The following SLCO3A1 variants were observed in gnomAD, a reference collection of about 807,000 sequenced individuals.
The protein encoded by SLCO3A1 is solute carrier organic anion transporter family member 3A1, also known as PGE1 transporter.
In SLCO3A1, 27 loss-of-function variants were observed where a neutral mutation model predicts 63.1. That is an observed-to-expected ratio of 0.43 (90% CI 0.32 to 0.59). The LOEUF (loss-of-function observed/expected upper bound fraction) is 0.59, where lower values mean the gene tolerates loss of function less well. Ranked by LOEUF, SLCO3A1 falls within the 20% of genes least tolerant of loss-of-function variation. SLCO3A1 has a pLI of 0.09. For synonymous variants in SLCO3A1, 473 were observed against 409.9 expected (o/e 1.15, Z -1.86); for missense variants, 773 against 945.8 (o/e 0.82, Z 2.40).
At chr15:92,023,203 C>G (rs556537292) in intron 2 of SLCO3A1, among the ~76,000 whole-genome samples, 2 of 152,268 alleles carry the variant, frequency 1.3e-5, no homozygotes, top group South Asian at 4.2e-4. Flanking sequence ...TTCCCTGCAG[C>G]CTTACATGCA....
Position 91,853,864 on chromosome 15 carries a change from C to A in SLCO3A1, c.-45C>A. 1 of 1,238,988 alleles carries A rather than the reference C, an allele frequency of 8.1e-7. No homozygotes were observed. The highest frequency in any genetic ancestry group is 1.0e-6 in the Non-Finnish European group (1 of 997,378). The allele number at this position is 1,238,988 out of a possible 1,614,324, so 76.7% of individuals were successfully genotyped here. A position where few individuals can be genotyped will look rare whatever the true frequency, so the allele number is the denominator to read the frequency against. The stretch of plus-strand genomic sequence containing the variant: ...CAGCGGCCCCGACACCCGGGGCGAG[C>A]GGGAAAGCGGCAGCGGCGGCGGCGG... On this transcript the variant is annotated 5_prime_UTR_variant, in exon 1 of 10. Transcript: ENST00000318445.
rs773745887 is a variant in SLCO3A1 at position 91,872,957 on chromosome 15, A to G, written c.180+18869A>G. On this transcript the variant is annotated intron_variant, in intron 1 of 9. Coordinates refer to ENST00000318445, the MANE Select transcript of SLCO3A1 (RefSeq NM_013272.4). This position sits in a 1 kb window ranked among gnomAD's most constrained non-coding sequence, Gnocchi z 4.1. The stretch of plus-strand genomic sequence containing the variant: ...TGGTCACAGGGCCCCTGCTCCTGGC[A>G]TGCAGCTACCTGCGTGCTCAGCACT... Among the ~76,000 whole-genome samples the G allele has an allele frequency of 1.1e-4, 17 of 152,238 alleles. No homozygotes were observed. Among genetic ancestry groups the G allele is most frequent in the Non-Finnish European group, 4.4e-5 (3 of 68,048 alleles).
intron 7 of SLCO3A1, among the ~76,000 whole-genome samples, chr15:92,130,229 C>G (rs1025149383): frequency 3.3e-5 from 5 of 152,230 alleles, no homozygotes; most frequent in Admixed American, 6.5e-5. Flanking sequence ...AAGAGCCTTA[C>G]CAGGCCCATC....
At chr15:91,917,730 A>G (rs945218138) in intron 2 of SLCO3A1, among the ~76,000 whole-genome samples, 3 of 152,162 alleles carry the variant, frequency 2.0e-5, no homozygotes, top group Non-Finnish European at 4.4e-5. Context: ...TGGTGGAGGA[A>G]GGGAAACTAA....
rs1448479946 is a variant in SLCO3A1, at chr15:91,853,941, C to T, written c.33C>T (p.Gly11=). 1.7e-5 allele frequency: 25 copies of T among 1,464,708 alleles called. No individual in the cohort carries two copies. Among genetic ancestry groups the T allele is most frequent in the Non-Finnish European group, 2.2e-5 (24 of 1,101,830 alleles). 90.7% of individuals were successfully genotyped at this position (1,464,708 alleles called of 1,614,324 possible). A position where few individuals can be genotyped will look rare whatever the true frequency, so the allele number is the denominator to read the frequency against. MQGKKPGGSS[G]GGRSGELQGD... is the part of the protein sequence containing the mutation. Reference sequence around the variant, plus strand: ...GGAAGAAGCCGGGCGGTTCGTCGGGCGGCGGCCGGAGCGGCGAGCTGCAGG... The same window carrying T: ...GGAAGAAGCCGGGCGGTTCGTCGGGTGGCGGCCGGAGCGGCGAGCTGCAGG... The change falls in exon 1 of 10, where the codon GGC becomes GGT. Residue 11 remains glycine, a synonymous_variant. Transcript: ENST00000318445.
chr15:92,012,551 C>G (rs1463950743), intron 2 of SLCO3A1, among the ~76,000 whole-genome samples: 2 of 152,086 alleles, frequency 1.3e-5, no homozygotes, highest in Non-Finnish European at 2.9e-5. Flanking sequence ...CCACATTGCT[C>G]TAGAAATTGT....
At chr15:92,003,792 C>A (rs993356928) in intron 2 of SLCO3A1, among the ~76,000 whole-genome samples, 2 of 152,146 alleles carry the variant, frequency 1.3e-5, no homozygotes, top group East Asian at 3.9e-4. Context: ...GAAGATGACA[C>A]CAGGTCAGCC....
intron 2 of SLCO3A1, among the ~76,000 whole-genome samples, chr15:92,075,064 C>T (rs1567105568): frequency 6.6e-6 from 1 of 152,146 alleles, no homozygotes; most frequent in Non-Finnish European, 1.5e-5. Flanking sequence ...CACTTGGCCT[C>T]CACCTGAATA....
intron 2 of SLCO3A1, among the ~76,000 whole-genome samples, chr15:92,090,309 C>G (rs1000487238): frequency 1.3e-5 from 2 of 152,200 alleles, no homozygotes; most frequent in Non-Finnish European, 2.9e-5. Context: ...TGCTGTGTTT[C>G]CCTTAGAAAC....
chr15:91,899,698 A>G lies in SLCO3A1; in HGVS notation c.181-16295A>G, dbSNP rs752972360. ...AACAAATTCATAAAGTTATGCAGTC[A>G]TCACCACACTCAGTTTTAAAACATT... is the stretch of plus-strand genomic sequence containing the variant. On this transcript the variant is annotated intron_variant, in intron 1 of 9. Coordinates refer to ENST00000318445, the MANE Select transcript of SLCO3A1 (RefSeq NM_013272.4). Among the ~76,000 whole-genome samples the G allele has an allele frequency of 5.8e-4, 88 of 152,346 alleles. 3 individuals are homozygous for G. Among genetic ancestry groups the G allele is most frequent in the Non-Finnish European group, 5.6e-4 (38 of 68,026 alleles).
At chr15:92,035,669 C>T (rs959489235) in intron 2 of SLCO3A1, among the ~76,000 whole-genome samples, 1 of 151,688 alleles carries the variant, frequency 6.6e-6, no homozygotes, top group African/African-American at 2.4e-5. Context: ...CCCGTGGAGC[C>T]CCAGACCTTT....
At chr15:91,984,357 A>G (rs535447620) in intron 2 of SLCO3A1, among the ~76,000 whole-genome samples, 1 of 152,190 alleles carries the variant, frequency 6.6e-6, no homozygotes, top group Non-Finnish European at 1.5e-5. Flanking sequence ...TGGTGATTCC[A>G]TCATCTTTCT....
chr15:92,049,832 G>T (rs1333715991), intron 2 of SLCO3A1, among the ~76,000 whole-genome samples: 1 of 152,162 alleles, frequency 6.6e-6, no homozygotes, highest in Non-Finnish European at 1.5e-5. Flanking sequence ...GCCCAGCTAG[G>T]GAGGCGGGGA....
intron 1 of SLCO3A1, among the ~76,000 whole-genome samples, chr15:91,911,675 G>A (rs899309888): frequency 6.6e-6 from 1 of 151,964 alleles, no homozygotes; most frequent in African/African-American, 2.4e-5. Context: ...CACCAAGGCT[G>A]GAGTGCAGTG....
At chr15:92,170,479 C>T (rs1846537562), downstream of SLCO3A1, among the ~76,000 whole-genome samples, 1 of 152,166 alleles carries the variant, frequency 6.6e-6, no homozygotes, top group African/African-American at 2.4e-5. Flanking sequence ...CAAATCCAAC[C>T]GTTCTAAGAT....
rs188668371 is a variant in SLCO3A1, at chr15:91,983,343, G to A, written c.646+66885G>A. ...TAAAGTATGACCCTGAGAATTACCCGAGTGGGAGGCTATTTATTTCTAGAG... is the reference window on the plus strand; with the variant it reads ...TAAAGTATGACCCTGAGAATTACCCAAGTGGGAGGCTATTTATTTCTAGAG... On this transcript the variant is annotated intron_variant, in intron 2 of 9. Transcript: ENST00000318445. 3.2e-4 allele frequency among the ~76,000 whole-genome samples: 49 copies of A among 152,256 alleles called. No individual in the cohort carries two copies. The East Asian group carries it at 6.6e-3, about 20-fold the overall frequency.
In SLCO3A1 at chr15:92,092,795, G is replaced by C. The variant is rs555318865; in HGVS notation, c.647-2086G>C. ...CCCCTGCCCCCAACTTTGTGTGCTT[G>C]GTTATCTTAAAGTTATGACAAACCA... is the stretch of plus-strand genomic sequence containing the variant. On this transcript the variant is annotated intron_variant, in intron 2 of 9. Coordinates refer to ENST00000318445, the MANE Select transcript of SLCO3A1 (RefSeq NM_013272.4). Among the ~76,000 whole-genome samples, 3 of 152,234 alleles carry C rather than the reference G, an allele frequency of 2.0e-5. No individual in the cohort carries two copies. The South Asian group carries it at 6.2e-4, about 32-fold the overall frequency.
At chr15:91,905,600 G>A (rs560957511) in intron 1 of SLCO3A1, among the ~76,000 whole-genome samples, 23 of 150,080 alleles carry the variant, frequency 1.5e-4, no homozygotes, top group Admixed American at 1.5e-3. Flanking sequence ...ATGGCAGCCT[G>A]TATATATGTT....
At chr15:92,000,445 A>T (rs1325453050) in intron 2 of SLCO3A1, among the ~76,000 whole-genome samples, 3 of 150,972 alleles carry the variant, frequency 2.0e-5, no homozygotes, top group Non-Finnish European at 4.4e-5. Flanking sequence ...CTTAATGAGT[A>T]TGTGTTTTCT....
Sources: allele counts gnomAD v4.1 joint callset (sites outside exome capture counted in the v4.1 genomes callset), GRCh38; gene constraint gnomAD v4.1.1; non-coding constraint Gnocchi (gnomAD v3.1); transcripts MANE v1.5; gene names NCBI Gene and HGNC (gene_info 2026-07-23, HGNC 2026-07-21).